Variants in SORCS2 observed in about 807,000 individuals in gnomAD.
SORCS2 encodes the protein sortilin related VPS10 domain containing receptor 2, also known as VPS10 domain-containing receptor SorCS2.
In SORCS2, 100 loss-of-function variants were observed where a neutral mutation model predicts 141.6. The observed-to-expected ratio is 0.71, with a 90% confidence interval of 0.60 to 0.83. The LOEUF (loss-of-function observed/expected upper bound fraction) is 0.83. Ranked by LOEUF, SORCS2 falls within the 40% of genes least tolerant of loss-of-function variation. The pLI, the probability that SORCS2 is intolerant of heterozygous loss-of-function variation, is 0.00. For synonymous variants in SORCS2, 789 were observed against 676.9 expected, an observed-to-expected ratio of 1.17 and a Z score of -2.57; for missense variants, 1,646 against 1,560.2, an observed-to-expected ratio of 1.05 and a Z score of -0.93.
intron 4 of SORCS2, among the ~76,000 whole-genome samples, chr4:7,645,305 G>A (rs1721001845): frequency 6.6e-6 from 1 of 152,176 alleles, no homozygotes; most frequent in Non-Finnish European, 1.5e-5. Context: ...CTCAGCCCCT[G>A]GTACAGTCCT....
intron 4 of SORCS2, among the ~76,000 whole-genome samples, chr4:7,640,815 C>T (rs1484273177): frequency 6.6e-6 from 1 of 152,094 alleles, no homozygotes; most frequent in Non-Finnish European, 1.5e-5. Context: ...CTGGGTAGAG[C>T]AACTGAGCCA....
chr4:7,394,964 A>C (rs981482810), intron 1 of SORCS2, among the ~76,000 whole-genome samples: 4 of 152,170 alleles, frequency 2.6e-5, no homozygotes, highest in Non-Finnish European at 5.9e-5. Flanking sequence ...ACTATATCAA[A>C]TATGAATCAA....
intron 4 of SORCS2, among the ~76,000 whole-genome samples, chr4:7,642,672 C>A (rs943706498): frequency 6.6e-6 from 1 of 152,180 alleles, no homozygotes; most frequent in African/African-American, 2.4e-5. Flanking sequence ...TAACACACAG[C>A]TCCAAGCCTC....
intron 2 of SORCS2, among the ~76,000 whole-genome samples, chr4:7,427,793 G>A (rs527702842): frequency 8.7e-4 from 132 of 152,132 alleles, no homozygotes; most frequent in Middle Eastern, 3.4e-3. Context: ...AGCAGGGGAT[G>A]GCACGGAGAG....
rs1181254384 is a variant in SORCS2, at chr4:7,663,723, AAGGAAGAGG to A, written c.953-616_953-608del. 3.9e-5 allele frequency among the ~76,000 whole-genome samples: 6 copies of A among 152,198 alleles called. No individual in the cohort carries two copies. The highest frequency in any genetic ancestry group is 4.2e-4 in the South Asian group (2 of 4,818). ...AGGCTGGGGGCAGGAGGAGGAGGAAAAGGAAGAGGAGGAAGAGGAGGAGGAGGAGGCACC... is the reference window on the plus strand; with the variant it reads ...AGGCTGGGGGCAGGAGGAGGAGGAAAAGGAAGAGGAGGAGGAGGAGGCACC... On this transcript the variant is annotated intron_variant, in intron 6 of 26. Transcript: ENST00000507866. The surrounding 1 kb of genome is among the most constrained non-coding windows in gnomAD (Gnocchi z 4.8).
intron 3 of SORCS2, among the ~76,000 whole-genome samples, chr4:7,619,937 C>T (rs1274505594): frequency 6.6e-6 from 1 of 152,184 alleles, no homozygotes; most frequent in Non-Finnish European, 1.5e-5. Flanking sequence ...GCCCCTGCCC[C>T]TGCCCTGTCC....
intron 1 of SORCS2, among the ~76,000 whole-genome samples, chr4:7,395,633 G>A (rs1464716081): frequency 7.5e-6 from 1 of 133,684 alleles, no homozygotes; most frequent in Non-Finnish European, 1.6e-5. Context: ...TTCTGCACAG[G>A]CCTGAAATGC....
intron 1 of SORCS2, among the ~76,000 whole-genome samples, chr4:7,250,203 C>T (rs1713398179): frequency 6.6e-6 from 1 of 152,206 alleles, no homozygotes; most frequent in East Asian, 1.9e-4. Flanking sequence ...GATCGCGCCA[C>T]TGCCCTCCAG....
chr4:7,375,512 C>T (rs1305936393), intron 1 of SORCS2, among the ~76,000 whole-genome samples: 1 of 152,060 alleles, frequency 6.6e-6, no homozygotes, highest in Non-Finnish European at 1.5e-5. Flanking sequence ...CAGTGAGAAG[C>T]CTTTTCTCAC....
At chr4:7,283,567 C>G (rs1283961172) in intron 1 of SORCS2, among the ~76,000 whole-genome samples, 1 of 152,212 alleles carries the variant, frequency 6.6e-6, no homozygotes, top group South Asian at 2.1e-4. Flanking sequence ...TTCCCCTACT[C>G]TGGGGTCATT....
At chr4:7,643,862 G>A (rs1720888160) in intron 4 of SORCS2, among the ~76,000 whole-genome samples, 1 of 152,148 alleles carries the variant, frequency 6.6e-6, no homozygotes, top group South Asian at 2.1e-4. Context: ...AGAGCTACAA[G>A]CTTCGATACC....
intron 2 of SORCS2, among the ~76,000 whole-genome samples, chr4:7,410,949 CTTTTTTTTTTTTTTT>C (rs5855962): frequency 2.7e-5 from 2 of 73,842 alleles, no homozygotes; most frequent in Non-Finnish European, 4.8e-5. Context: ...TCTCTCCATC[CTTTTTTTTTTTTTTT>C]TTTTTTTTTT....
At chr4:7,347,419 TTG>T in intron 1 of SORCS2, among the ~76,000 whole-genome samples, 1 of 152,360 alleles carries the variant, frequency 6.6e-6, no homozygotes, top group East Asian at 1.9e-4. Flanking sequence ...AAAGCACCTA[TTG>T]TGTGCCAGGC....
At chr4:7,296,089 C>A (rs1717030197) in intron 1 of SORCS2, among the ~76,000 whole-genome samples, 1 of 152,208 alleles carries the variant, frequency 6.6e-6, no homozygotes, top group Non-Finnish European at 1.5e-5. Context: ...GAACCCAGCA[C>A]CTGCCAGCCT....
In SORCS2 at chr4:7,648,066, G is replaced by A. The variant is rs1721192735; in HGVS notation, c.814-6068G>A. Among the ~76,000 whole-genome samples, 1 of 152,172 alleles carries A rather than the reference G, an allele frequency of 6.6e-6. No individual in the cohort carries two copies. On this transcript the variant is annotated intron_variant, in intron 4 of 26. Transcript: ENST00000507866. The surrounding 1 kb of genome is among the most constrained non-coding windows in gnomAD (Gnocchi z 4.2). ...GAAGTGGGGTGGCCTGAGATGGAAT[G>A]GGGTGCCGGCCCCTGAGGGCTCTGC... is the stretch of plus-strand genomic sequence containing the variant.
intron 2 of SORCS2, among the ~76,000 whole-genome samples, chr4:7,450,440 G>A (rs1728362792): frequency 6.6e-6 from 1 of 152,222 alleles, no homozygotes; most frequent in African/African-American, 2.4e-5. Flanking sequence ...GTCAGGCGAG[G>A]CCCCATCATC....
intron 1 of SORCS2, among the ~76,000 whole-genome samples, chr4:7,260,943 C>T (rs1012928943): frequency 5.9e-5 from 9 of 152,166 alleles, no homozygotes; most frequent in Non-Finnish European, 1.2e-4. Context: ...ATCCTTGAGG[C>T]GCTCATAGCA....
At chr4:7,733,271 G>A in intron 23 of SORCS2, 51 bp from the exon 24 acceptor site, 1 of 1,394,848 alleles carries the variant, frequency 7.2e-7, no homozygotes, top group Non-Finnish European at 9.6e-7. Flanking sequence ...TTCCCTTTTG[G>A]CAGAGGAGCC....
intron 1 of SORCS2, among the ~76,000 whole-genome samples, chr4:7,245,719 C>T (rs529196117): frequency 3.9e-5 from 6 of 152,096 alleles, no homozygotes; most frequent in Non-Finnish European, 1.5e-5. Context: ...GTGGGGCAAG[C>T]GCTTGGTGAG....
Sources: allele counts gnomAD v4.1 joint callset (sites outside exome capture counted in the v4.1 genomes callset), GRCh38; gene constraint gnomAD v4.1.1; non-coding constraint Gnocchi (gnomAD v3.1); transcripts MANE v1.5; gene names NCBI Gene and HGNC (gene_info 2026-07-23, HGNC 2026-07-21).